The following KIF26B variants were observed in gnomAD, a reference collection of about 807,000 sequenced individuals.
The protein encoded by KIF26B is kinesin family member 26B.
In KIF26B, 63 loss-of-function variants were observed where a neutral mutation model predicts 151.2. The observed-to-expected ratio is 0.42, with a 90% confidence interval of 0.34 to 0.51. KIF26B has a LOEUF of 0.51. KIF26B is among the 20% of genes least tolerant of loss of function. The probability of loss-of-function intolerance (pLI) is 0.07; values close to 1 mark genes in which losing one functional copy is unlikely to be tolerated. For synonymous variants in KIF26B, 1,357 were observed against 1,262.1 expected (o/e 1.08, Z -1.59); for missense variants, 2,813 against 2,913.6 (o/e 0.97, Z 0.79).
chr1:245,203,066 A>C (rs1298928645), intron 2 of KIF26B, among the ~76,000 whole-genome samples: 1 of 151,724 alleles, frequency 6.6e-6, no homozygotes, highest in Admixed American at 6.6e-5. Flanking sequence ...CAGCCTGGAC[A>C]ACATTTTTAG....
chr1:245,500,798 A>T (rs1466097513), intron 4 of KIF26B, among the ~76,000 whole-genome samples: 1 of 152,218 alleles, frequency 6.6e-6, no homozygotes, highest in African/African-American at 2.4e-5. Context: ...ATGGGATAAG[A>T]ATGTGATGAA....
Position 245,437,585 on chromosome 1 carries a change from T to C in KIF26B, c.1166+17840T>C, listed in dbSNP as rs530962568. ...ACGTTGATTTATGGAGCCTAGATCATGCTTGGCTGGGGAATGGGAGGAGGG... is the reference window on the plus strand; with the variant it reads ...ACGTTGATTTATGGAGCCTAGATCACGCTTGGCTGGGGAATGGGAGGAGGG... On this transcript the variant is annotated intron_variant, in intron 4 of 14. Transcript: ENST00000407071. 3.3e-5 allele frequency among the ~76,000 whole-genome samples: 5 copies of C among 152,172 alleles called. No individual in the cohort carries two copies. The South Asian group carries it at 1.0e-3, about 32-fold the overall frequency.
At chr1:245,212,079 C>T (rs966006670) in intron 2 of KIF26B, among the ~76,000 whole-genome samples, 7 of 152,150 alleles carry the variant, frequency 4.6e-5, no homozygotes, top group Non-Finnish European at 7.3e-5. Context: ...CCCCTCCCCA[C>T]CCCCAGACCC....
At chr1:245,636,102 G>A (rs1003153674) in intron 9 of KIF26B, among the ~76,000 whole-genome samples, 11 of 152,122 alleles carry the variant, frequency 7.2e-5, no homozygotes, top group Non-Finnish European at 1.3e-4. Context: ...TTCTGCTATT[G>A]TTGGGTTGAA....
At chr1:245,448,175 A>C (rs980241242) in intron 4 of KIF26B, among the ~76,000 whole-genome samples, 5 of 152,246 alleles carry the variant, frequency 3.3e-5, no homozygotes, top group Admixed American at 6.5e-5. Flanking sequence ...TCCAGCTGTG[A>C]CCAATAAATT....
At chr1:245,552,323 G>A (rs1661906484) in intron 5 of KIF26B, among the ~76,000 whole-genome samples, 1 of 152,102 alleles carries the variant, frequency 6.6e-6, no homozygotes, top group African/African-American at 2.4e-5. Context: ...GGGAAAGTCA[G>A]CTTTGGTTCT....
intron 2 of KIF26B, among the ~76,000 whole-genome samples, chr1:245,319,259 T>G (rs1308566019): frequency 2.0e-5 from 3 of 152,258 alleles, no homozygotes; most frequent in Non-Finnish European, 4.4e-5. Flanking sequence ...CTGGGCTCTC[T>G]GACTTTGAGA....
At chr1:245,254,799 T>C (rs7537471) in intron 2 of KIF26B, among the ~76,000 whole-genome samples, 2,069 of 152,320 alleles carry the variant, frequency 0.014, 38 homozygotes, top group African/African-American at 0.037. Context: ...CAGGCAGCTA[T>C]TCTTGTGTGG....
chr1:245,165,612 A>G (rs1218100420), intron 2 of KIF26B, among the ~76,000 whole-genome samples: 1 of 152,198 alleles, frequency 6.6e-6, no homozygotes, highest in Non-Finnish European at 1.5e-5. Context: ...ACAGCTGAAC[A>G]TGAAGTGGTG....
At chr1:245,526,088 T>G (rs1031458659) in intron 4 of KIF26B, among the ~76,000 whole-genome samples, 29 of 152,226 alleles carry the variant, frequency 1.9e-4, no homozygotes, top group African/African-American at 6.8e-4. Flanking sequence ...CCTGGTTTCT[T>G]TACAATTAAC....
intron 5 of KIF26B, among the ~76,000 whole-genome samples, chr1:245,568,627 C>T (rs920714554): frequency 3.3e-5 from 5 of 152,300 alleles, no homozygotes; most frequent in African/African-American, 1.2e-4. Flanking sequence ...TATTGCTGGT[C>T]CGAACCAGCA....
intron 4 of KIF26B, among the ~76,000 whole-genome samples, chr1:245,422,485 A>G (rs935121726): frequency 6.6e-6 from 1 of 152,138 alleles, no homozygotes; most frequent in Admixed American, 6.5e-5. Context: ...CCAGGGATGT[A>G]CCTGACAGTT....
At position 245,214,799 on chromosome 1, in the gene KIF26B, T is replaced by C. The variant is rs546286920; in HGVS notation, c.465+58116T>C. The stretch of plus-strand genomic sequence containing the variant: ...AGGTTGCAGTGAGCCGAGATTGTGC[T>C]GTTGCACTCCAGCCTGGGTTACAAG... On this transcript the variant is annotated intron_variant, in intron 2 of 14. Transcript: ENST00000407071. 9.9e-5 allele frequency among the ~76,000 whole-genome samples: 15 copies of C among 151,686 alleles called. No homozygotes were observed. The South Asian group carries it at 2.7e-3, about 27-fold the overall frequency.
chr1:245,434,132 G>GT (rs1304418561), intron 4 of KIF26B, among the ~76,000 whole-genome samples: 1 of 152,044 alleles, frequency 6.6e-6, no homozygotes, highest in African/African-American at 2.4e-5. Flanking sequence ...CTCAATCAAA[G>GT]TGGCAAGGTT....
intron 2 of KIF26B, among the ~76,000 whole-genome samples, chr1:245,339,141 C>A (rs898684234): frequency 2.0e-5 from 3 of 152,062 alleles, no homozygotes; most frequent in African/African-American, 7.2e-5. Context: ...CCACGCCTGG[C>A]TAATTTTTTT....
chr1:245,404,405 C>T (rs1386241307), intron 3 of KIF26B, among the ~76,000 whole-genome samples: 1 of 152,086 alleles, frequency 6.6e-6, no homozygotes, highest in East Asian at 1.9e-4. Context: ...GAATAGAGCA[C>T]CCTCAGGGCT....
At chr1:245,413,488 C>T (rs531655678) in intron 3 of KIF26B, among the ~76,000 whole-genome samples, 2 of 152,176 alleles carry the variant, frequency 1.3e-5, no homozygotes, top group African/African-American at 4.8e-5. Flanking sequence ...TGGTGAAACC[C>T]TGTCTCTACT....
At chr1:245,260,696 T>TA (rs1480676591) in intron 2 of KIF26B, among the ~76,000 whole-genome samples, 1 of 152,196 alleles carries the variant, frequency 6.6e-6, no homozygotes, top group Non-Finnish European at 1.5e-5. Flanking sequence ...CTGCCAAGTG[T>TA]AAATGTCATG....
chr1:245,520,203 A>G (rs909273368), intron 4 of KIF26B, among the ~76,000 whole-genome samples: 4 of 151,828 alleles, frequency 2.6e-5, no homozygotes, highest in Non-Finnish European at 5.9e-5. Flanking sequence ...AATAGGAAAA[A>G]AAAAATAATC....
Sources: allele counts gnomAD v4.1 joint callset (sites outside exome capture counted in the v4.1 genomes callset), GRCh38; gene constraint gnomAD v4.1.1; transcripts MANE v1.5; gene names NCBI Gene and HGNC (gene_info 2026-07-23, HGNC 2026-07-21).